ABCC8: variants seen among roughly 807,000 people sequenced by gnomAD.
ABCC8 encodes the protein ATP binding cassette subfamily C member 8.
ABCC8 carries 137 observed loss-of-function variants against 188.0 expected under a neutral mutation model. That is an observed-to-expected ratio of 0.73 (90% CI 0.63 to 0.84). ABCC8 has a LOEUF of 0.84. ABCC8 is among the 40% of genes least tolerant of loss of function. The pLI, the probability that ABCC8 is intolerant of heterozygous loss-of-function variation, is 0.00. For synonymous variants in ABCC8, 797 were observed against 846.5 expected (o/e 0.94, Z 1.01); for missense variants, 1,750 against 2,072.7 (o/e 0.84, Z 3.02).
Position 17,461,942 on chromosome 11 carries a change from C to T in ABCC8, c.580-117G>A, listed in dbSNP as rs74427167. The T allele has an allele frequency of 2.6e-3, 3,884 of 1,494,500 alleles. 88 individuals are homozygous for T. In the African/African-American group the frequency reaches 0.048, roughly 18 times the overall value. 92.6% of individuals were successfully genotyped at this position (1,494,500 alleles called of 1,614,324 possible). ...CACACTTGATCTCTAACAGATGGGG[C>T]CATCTTTCGCCTGTAATTATTACCA... On this transcript the variant is annotated intron_variant, in intron 4 of 38. Coordinates refer to ENST00000389817, the MANE Select transcript of ABCC8 (RefSeq NM_000352.6).
In ABCC8 at chr11:17,405,517, A is replaced by T. The variant is rs1954474268; in HGVS notation, c.3376T>A (p.Ser1126Thr). 6.2e-7 allele frequency: 1 copy of T among 1,614,266 alleles called. No homozygotes were observed. Among genetic ancestry groups the T allele is most frequent in the Non-Finnish European group, 8.5e-7 (1 of 1,180,040 alleles). The change falls in exon 27 of 39, where the codon TCT becomes ACT. Residue 1126 changes from serine to threonine, a missense_variant. Ser to Thr is a moderately conservative substitution (Grantham distance 58). Transcript: ENST00000389817. ...ACCTGGTCGATGGTGTTACAGTCAG[A>T]TGAAAATCTGTTCAGGATGCTCCCA... is the stretch of plus-strand genomic sequence containing the variant. Reference protein sequence around the residue: ...PLGSILNRFSSDCNTIDQHIP... With the variant: ...PLGSILNRFSTDCNTIDQHIP...
chr11:17,397,095 T>C, intron 32 of ABCC8, 49 bp from the exon 33 acceptor site: 2 of 1,613,900 alleles, frequency 1.2e-6, no homozygotes, highest in Non-Finnish European at 1.7e-6. Flanking sequence ...ACAGCTAGTA[T>C]CCGAAAGTGC....
chr11:17,406,174 G>A (rs1033256447), intron 26 of ABCC8, among the ~76,000 whole-genome samples: 1 of 152,152 alleles, frequency 6.6e-6, no homozygotes, highest in African/African-American at 2.4e-5. Flanking sequence ...GACATCAAGT[G>A]GCCTTTGAGA....
At position 17,404,732 on chromosome 11, in the gene ABCC8, C is replaced by T; in HGVS notation, c.3400-63G>A. ...GGTATTGACTGTGTTTAGAGTGCTA[C>T]TGGCCGCCATGTTTTGCTCTCACTT... On this transcript the variant is annotated intron_variant, in intron 27 of 38. Coordinates refer to ENST00000389817, the MANE Select transcript of ABCC8 (RefSeq NM_000352.6). This position sits in a 1 kb window ranked among gnomAD's most constrained non-coding sequence, Gnocchi z 4.7. 1 of 1,553,252 alleles carries T rather than the reference C, an allele frequency of 6.4e-7. No homozygotes were observed. Among genetic ancestry groups the T allele is most frequent in the Non-Finnish European group, 8.7e-7 (1 of 1,148,618 alleles).
chr11:17,393,461 C>A (rs1409115032), intron 38 of ABCC8, among the ~76,000 whole-genome samples: 2 of 152,204 alleles, frequency 1.3e-5, no homozygotes, highest in African/African-American at 2.4e-5. Flanking sequence ...GGCCTTGGAA[C>A]CTGGAGAAGG....
chr11:17,463,739 T>C (rs1847976404), intron 3 of ABCC8, 135 bp from the exon 4 acceptor site: 1 of 1,129,554 alleles, frequency 8.9e-7, no homozygotes, highest in African/African-American at 1.5e-5. Flanking sequence ...AGTAAGTGGA[T>C]GTGCACGTGT....
In ABCC8 at chr11:17,470,415, G is replaced by T. The variant is rs906437071; in HGVS notation, c.291-193C>A. The T allele has an allele frequency of 7.6e-5, 31 of 408,328 alleles. No individual in the cohort carries two copies. In the Admixed American group the frequency reaches 9.0e-4, roughly 12 times the overall value. The allele number at this position is 408,328 out of a possible 1,614,324, so 25.3% of individuals were successfully genotyped here. ...CTGCCAGTACATGGAGTAGAGCTGGGTATATGATCTGGAGGCCTTACTATG... is the reference window on the plus strand; with the variant it reads ...CTGCCAGTACATGGAGTAGAGCTGGTTATATGATCTGGAGGCCTTACTATG... On this transcript the variant is annotated intron_variant, in intron 2 of 38. Coordinates refer to ENST00000389817, the MANE Select transcript of ABCC8 (RefSeq NM_000352.6).
At chr11:17,399,546 G>A (rs12293803) in intron 29 of ABCC8, among the ~76,000 whole-genome samples, 27,481 of 152,132 alleles carry the variant, frequency 0.18, 4,373 homozygotes, top group African/African-American at 0.42. Context: ...TTCAGGGCTT[G>A]CCTTAAATGC....
At chr11:17,397,605 T>C in intron 31 of ABCC8, 79 bp downstream of exon 31, 4 of 1,528,942 alleles carry the variant, frequency 2.6e-6, no homozygotes, top group Non-Finnish European at 3.5e-6. Flanking sequence ...CCTGGGAGTG[T>C]CTCATGTCTC....
At position 17,463,598 on chromosome 11, in the gene ABCC8, A is replaced by T; in HGVS notation, c.419T>A (p.Leu140Gln). The change falls in exon 4 of 39, where the codon CTG becomes CAG. Residue 140 changes from leucine to glutamine, a missense_variant. Coordinates refer to ENST00000389817, the MANE Select transcript of ABCC8 (RefSeq NM_000352.6). ...GATGAAGGCCAGGGTCCAATACACC[A>T]GCAGGGCTGCCGAGGAGAGATGGAA... is the stretch of plus-strand genomic sequence containing the variant. Reference protein sequence around the residue: ...SNFPKLLIALLVYWTLAFITK... With the variant: ...SNFPKLLIALQVYWTLAFITK... The T allele has an allele frequency of 1.3e-6, 2 of 1,577,692 alleles. No individual in the cohort carries two copies. The highest frequency in any genetic ancestry group is 1.7e-6 in the Non-Finnish European group (2 of 1,161,186).
chr11:17,456,250 T>G (rs1342839018), intron 6 of ABCC8, among the ~76,000 whole-genome samples: 2 of 152,222 alleles, frequency 1.3e-5, no homozygotes, highest in Non-Finnish European at 1.5e-5. Flanking sequence ...CAATACCGAT[T>G]TTTTAAAAGC....
chr11:17,414,481 C>A (rs1325088369), intron 19 of ABCC8, 31 bp downstream of exon 19: 1 of 1,613,706 alleles, frequency 6.2e-7, no homozygotes, highest in Admixed American at 1.7e-5. Flanking sequence ...TCCTCCCCTC[C>A]ACATCCTGCC....
intron 34 of ABCC8, 41 bp downstream of exon 34, chr11:17,395,811 G>C (rs2133401938): frequency 6.4e-7 from 1 of 1,557,164 alleles, no homozygotes; most frequent in South Asian, 1.2e-5. Flanking sequence ...GCCTCATCTG[G>C]TGGCTGTGGG....
chr11:17,440,822 A>G (rs1956285736), intron 10 of ABCC8, among the ~76,000 whole-genome samples: 1 of 152,142 alleles, frequency 6.6e-6, no homozygotes, highest in Non-Finnish European at 1.5e-5. Flanking sequence ...GCTATGGGAT[A>G]TTTCCCCAGT....
intron 38 of ABCC8, 135 bp from the exon 39 acceptor site, chr11:17,393,263 G>T: frequency 8.0e-7 from 1 of 1,251,848 alleles, no homozygotes; most frequent in East Asian, 2.5e-5. Flanking sequence ...TCACTGTGGG[G>T]ACTGCACTTT....
At position 17,460,876 on chromosome 11, in the gene ABCC8, A is replaced by G. The variant is rs1591886624; in HGVS notation, c.823-200T>C. 17 of 1,092,090 alleles carry G rather than the reference A, an allele frequency of 1.6e-5. No homozygotes were observed. In the East Asian group the frequency reaches 4.4e-4, roughly 29 times the overall value. 67.6% of individuals were successfully genotyped at this position (1,092,090 alleles called of 1,614,324 possible). A position where few individuals can be genotyped will look rare whatever the true frequency, so the allele number is the denominator to read the frequency against. On this transcript the variant is annotated intron_variant, in intron 5 of 38. Coordinates refer to ENST00000389817, the MANE Select transcript of ABCC8 (RefSeq NM_000352.6). ...GGCCCTATCAACACCAACATGGTCTAGATGGGGAAACTAAGGCCAGATGAT... is the reference window on the plus strand; with the variant it reads ...GGCCCTATCAACACCAACATGGTCTGGATGGGGAAACTAAGGCCAGATGAT...
At chr11:17,453,366 C>A (rs1956883162) in intron 6 of ABCC8, 83 bp from the exon 7 acceptor site, 3 of 1,566,722 alleles carry the variant, frequency 1.9e-6, no homozygotes, top group East Asian at 2.3e-5. Flanking sequence ...CATAATGGAC[C>A]ACGGCCATCA....
rs1300068824 is a variant in ABCC8 at position 17,404,471 on chromosome 11, A to C, written c.3557+41T>G. ...GTCTAGCAAGTACACCAAACTGCACATTGCAAAGCACCTCCCACCCCTCAC... is the reference window on the plus strand; with the variant it reads ...GTCTAGCAAGTACACCAAACTGCACCTTGCAAAGCACCTCCCACCCCTCAC... On this transcript the variant is annotated intron_variant, in intron 28 of 38. Coordinates refer to ENST00000389817, the MANE Select transcript of ABCC8 (RefSeq NM_000352.6). The surrounding 1 kb of genome is among the most constrained non-coding windows in gnomAD (Gnocchi z 4.7). 6.3e-7 allele frequency: 1 copy of C among 1,576,644 alleles called. No homozygotes were observed. Among genetic ancestry groups the C allele is most frequent in the Non-Finnish European group, 8.7e-7 (1 of 1,145,996 alleles).
chr11:17,449,398 C>A (rs1210356096), intron 7 of ABCC8, among the ~76,000 whole-genome samples: 1 of 152,146 alleles, frequency 6.6e-6, no homozygotes, highest in East Asian at 1.9e-4. Context: ...CAAGTCCTGT[C>A]ATAATTGAGC....
Sources: gnomAD v4.1 joint callset for allele counts (sites outside exome capture counted in the v4.1 genomes callset) on GRCh38, gnomAD v4.1.1 for gene constraint, Gnocchi (gnomAD v3.1) non-coding constraint, MANE v1.5 for transcripts, NCBI Gene and HGNC (gene_info 2026-07-23, HGNC 2026-07-21) for gene names.